Variants in LHFPL6 observed in about 807,000 individuals in gnomAD.
LHFPL6 encodes the protein LHFPL tetraspan subfamily member 6.
In LHFPL6, 9 loss-of-function variants were observed where a neutral mutation model predicts 20.6. The observed-to-expected ratio is 0.44, with a 90% CI of 0.26 to 0.76. The LOEUF (loss-of-function observed/expected upper bound fraction) is 0.76, where lower values mean the gene tolerates loss of function less well. LHFPL6 is among the 30% of genes least tolerant of loss of function. The pLI is 0.20. For synonymous variants in LHFPL6, 105 were observed against 98.7 expected (o/e 1.06, Z -0.38); for missense variants, 218 against 253.5 (o/e 0.86, Z 0.95).
At chr13:39,443,389 T>G (rs1033683712) in intron 2 of LHFPL6, among the ~76,000 whole-genome samples, 2 of 152,096 alleles carry the variant, frequency 1.3e-5, no homozygotes, top group African/African-American at 2.4e-5. Flanking sequence ...TCTGGTGTTG[T>G]GTTATAGCAG....
intron 2 of LHFPL6, among the ~76,000 whole-genome samples, chr13:39,515,956 A>G (rs1161172418): frequency 4.6e-5 from 7 of 152,126 alleles, no homozygotes; most frequent in Admixed American, 2.6e-4. Context: ...GTTATACATA[A>G]TTACAGTATA....
chr13:39,585,742 C>T (rs906922358), intron 2 of LHFPL6, among the ~76,000 whole-genome samples: 2 of 152,192 alleles, frequency 1.3e-5, no homozygotes, highest in African/African-American at 4.8e-5. Context: ...CCCAATGGGA[C>T]TCTCTTAGCC....
At chr13:39,377,040 CG>C (rs1416122520) in intron 3 of LHFPL6, among the ~76,000 whole-genome samples, 1 of 152,082 alleles carries the variant, frequency 6.6e-6, no homozygotes, top group African/African-American at 2.4e-5. Context: ...ACTGGAAAGA[CG>C]CTCTCACCAT....
chr13:39,591,669 G>C (rs183531147), intron 2 of LHFPL6, among the ~76,000 whole-genome samples: 3 of 152,176 alleles, frequency 2.0e-5, no homozygotes, highest in South Asian at 4.1e-4. Flanking sequence ...TCTAGAACAC[G>C]TGGGGAGTTT....
At chr13:39,355,800 A>AT (rs936938856) in intron 3 of LHFPL6, among the ~76,000 whole-genome samples, 9 of 152,256 alleles carry the variant, frequency 5.9e-5, no homozygotes, top group African/African-American at 2.2e-4. Flanking sequence ...AGGGCATTAC[A>AT]TAACGATAAA....
At position 39,515,392 on chromosome 13, in the gene LHFPL6, T is replaced by C. The variant is rs1468850749; in HGVS notation, c.385+85440A>G. Among the ~76,000 whole-genome samples the C allele has an allele frequency of 3.3e-5, 5 of 152,332 alleles. No individual in the cohort carries two copies. The East Asian group carries it at 9.6e-4, about 29-fold the overall frequency. ...CATCAGGAAACAAGGTCATGCATTT[T>C]ACAACATATGATCCAAACACGCTGC... On this transcript the variant is annotated intron_variant, in intron 2 of 3. Transcript: ENST00000379589.
chr13:39,458,681 C>A (rs1872625406), intron 2 of LHFPL6, among the ~76,000 whole-genome samples: 1 of 140,812 alleles, frequency 7.1e-6, no homozygotes, highest in African/African-American at 2.8e-5. Context: ...GGCAATACAG[C>A]AATACCCTGC....
At chr13:39,477,550 T>C (rs971783478) in intron 2 of LHFPL6, among the ~76,000 whole-genome samples, 1 of 152,178 alleles carries the variant, frequency 6.6e-6, no homozygotes, top group Admixed American at 6.5e-5. Context: ...TGCCTTTAGA[T>C]ACTGTCAAGG....
chr13:39,408,203 T>C (rs566166206), intron 2 of LHFPL6, among the ~76,000 whole-genome samples: 1 of 152,340 alleles, frequency 6.6e-6, no homozygotes, highest in East Asian at 1.9e-4. Flanking sequence ...CTGAGTTTAA[T>C]GTAAATTTAT....
At chr13:39,422,726 A>G (rs923609670) in intron 2 of LHFPL6, among the ~76,000 whole-genome samples, 1 of 152,144 alleles carries the variant, frequency 6.6e-6, no homozygotes, top group Non-Finnish European at 1.5e-5. Flanking sequence ...TTGGGTTAGG[A>G]GCCTCATTTG....
intron 2 of LHFPL6, among the ~76,000 whole-genome samples, chr13:39,559,465 C>A (rs1259123405): frequency 3.3e-5 from 5 of 152,208 alleles, no homozygotes; most frequent in African/African-American, 1.2e-4. Context: ...GACTAATTAA[C>A]AAGGACACTG....
intron 2 of LHFPL6, among the ~76,000 whole-genome samples, chr13:39,510,313 T>C (rs1418014634): frequency 6.6e-6 from 1 of 152,252 alleles, no homozygotes; most frequent in Non-Finnish European, 1.5e-5. Flanking sequence ...TCCTTTATTT[T>C]TTTGTCCTTA....
intron 2 of LHFPL6, among the ~76,000 whole-genome samples, chr13:39,438,547 A>G (rs1481501155): frequency 6.6e-6 from 1 of 152,234 alleles, no homozygotes; most frequent in Non-Finnish European, 1.5e-5. Flanking sequence ...CAAGACAATG[A>G]GATAAAGGCC....
chr13:39,450,942 A>G (rs1232524453), intron 2 of LHFPL6, among the ~76,000 whole-genome samples: 1 of 152,190 alleles, frequency 6.6e-6, no homozygotes, highest in African/African-American at 2.4e-5. Flanking sequence ...ATAATAAAAC[A>G]AAACCTGATA....
intron 2 of LHFPL6, among the ~76,000 whole-genome samples, chr13:39,385,468 T>C (rs901130501): frequency 6.6e-6 from 1 of 152,248 alleles, no homozygotes. Context: ...TGAAAGTCTG[T>C]TCTTTAGCTC....
chr13:39,358,193 C>G (rs1869777803), intron 3 of LHFPL6, among the ~76,000 whole-genome samples: 1 of 152,098 alleles, frequency 6.6e-6, no homozygotes, highest in Non-Finnish European at 1.5e-5. Flanking sequence ...GGTACAAAAA[C>G]AGACACAGAG....
At chr13:39,592,886 C>T (rs1872653887) in intron 2 of LHFPL6, among the ~76,000 whole-genome samples, 2 of 152,180 alleles carry the variant, frequency 1.3e-5, no homozygotes, top group South Asian at 4.1e-4. Flanking sequence ...TGATTATCTC[C>T]ATAGATGCAG....
intron 2 of LHFPL6, among the ~76,000 whole-genome samples, chr13:39,596,508 A>C (rs1367739456): frequency 6.6e-6 from 1 of 152,138 alleles, no homozygotes; most frequent in Non-Finnish European, 1.5e-5. Context: ...CGTGTTTTAA[A>C]AGGTCCCACA....
intron 2 of LHFPL6, among the ~76,000 whole-genome samples, chr13:39,492,576 T>C (rs896276009): frequency 1.3e-5 from 2 of 152,170 alleles, no homozygotes; most frequent in South Asian, 4.1e-4. Flanking sequence ...CCTTTATGCC[T>C]TTTTTCCTGT....
Sources: allele counts gnomAD v4.1 joint callset (sites outside exome capture counted in the v4.1 genomes callset), GRCh38; gene constraint gnomAD v4.1.1; transcripts MANE v1.5; gene names NCBI Gene and HGNC (gene_info 2026-07-23, HGNC 2026-07-21).